WWOX: variants seen among roughly 807,000 people sequenced by gnomAD.
WWOX encodes WW domain containing oxidoreductase, also known as WW domain-containing oxidoreductase.
WWOX carries 69 observed loss-of-function variants against 46.2 expected under a neutral mutation model. The ratio of observed to expected loss-of-function variants is 1.49; its 90% CI spans 1.23 to 1.82. The LOEUF (loss-of-function observed/expected upper bound fraction) is 1.82, where lower values mean the gene tolerates loss of function less well. WWOX is among the 40% of genes most tolerant of loss of function. WWOX has a pLI of 0.00. For synonymous variants in WWOX, 359 were observed against 202.6 expected (o/e 1.77, Z -6.56); for missense variants, 919 against 542.6 (o/e 1.69, Z -6.89).
chr16:78,372,266 C>A (rs1031461698), intron 5 of WWOX, among the ~76,000 whole-genome samples: 4 of 152,120 alleles, frequency 2.6e-5, no homozygotes, highest in Non-Finnish European at 5.9e-5. Context: ...CCATTTAATT[C>A]TTTGATTCTG....
intron 8 of WWOX, among the ~76,000 whole-genome samples, chr16:78,949,453 C>T (rs982165497): frequency 6.6e-6 from 1 of 152,170 alleles, no homozygotes; most frequent in African/African-American, 2.4e-5. Flanking sequence ...TTCCTGTTGT[C>T]CCCTCCCGTG....
At chr16:78,426,921 C>G (rs2083093005) in intron 7 of WWOX, among the ~76,000 whole-genome samples, 1 of 152,214 alleles carries the variant, frequency 6.6e-6, no homozygotes. Flanking sequence ...CTTGGCTTCT[C>G]ACAGTGCTGT....
chr16:78,164,152 T>G (rs1419150864), intron 4 of WWOX, 31 bp from the exon 5 acceptor site: 1 of 1,598,108 alleles, frequency 6.3e-7, no homozygotes, highest in Non-Finnish European at 8.6e-7. Context: ...GATGTTATGT[T>G]TTCTAACATT....
chr16:78,178,018 A>T (rs1205745020), intron 5 of WWOX, among the ~76,000 whole-genome samples: 1 of 152,232 alleles, frequency 6.6e-6, no homozygotes, highest in East Asian at 1.9e-4. Context: ...CACTTGTAGA[A>T]ACTCCATGAA....
At chr16:78,986,627 A>G (rs1457853371) in intron 8 of WWOX, among the ~76,000 whole-genome samples, 1 of 152,218 alleles carries the variant, frequency 6.6e-6, no homozygotes, top group Non-Finnish European at 1.5e-5. Flanking sequence ...TCACTCATTC[A>G]TCAGTACTCT....
intron 5 of WWOX, among the ~76,000 whole-genome samples, chr16:78,255,385 A>T (rs1466714257): frequency 6.6e-6 from 1 of 152,260 alleles, no homozygotes; most frequent in Non-Finnish European, 1.5e-5. Context: ...CTAAGAAACT[A>T]TATTGCCGAG....
intron 8 of WWOX, among the ~76,000 whole-genome samples, chr16:78,723,131 C>T (rs1026399739): frequency 6.6e-6 from 1 of 152,152 alleles, no homozygotes; most frequent in South Asian, 2.1e-4. Flanking sequence ...AAAGATCATC[C>T]CGTCAACTGC....
intron 8 of WWOX, among the ~76,000 whole-genome samples, chr16:78,966,621 A>G (rs1271339749): frequency 1.3e-5 from 2 of 152,162 alleles, no homozygotes; most frequent in South Asian, 2.1e-4. Context: ...ATCAATAAAT[A>G]TAGTATGTAT....
rs561465614 is a variant in WWOX, at chr16:78,704,169, C to T, written c.1056+271417C>T. On this transcript the variant is annotated intron_variant, in intron 8 of 8. Coordinates refer to ENST00000566780, the MANE Select transcript of WWOX (RefSeq NM_016373.4). ...TTTTTAACCTCCAGCAGCTGTGTTC[C>T]CTGTGGCAACTATGTAACCTCTCTG... Among the ~76,000 whole-genome samples the T allele has an allele frequency of 5.9e-5, 9 of 151,878 alleles. No individual in the cohort carries two copies. In the South Asian group the frequency reaches 1.5e-3, roughly 25 times the overall value.
Position 78,373,062 on chromosome 16 carries a change from A to G in WWOX, c.517-13798A>G, listed in dbSNP as rs569967975. Among the ~76,000 whole-genome samples, 18 of 152,278 alleles carry G rather than the reference A, an allele frequency of 1.2e-4. No individual in the cohort carries two copies. In the South Asian group the frequency reaches 3.7e-3, roughly 32 times the overall value. ...GACTTTTTCAACTCTGTAATGTCCT[A>G]ACTTTCATTTCTGCTTGCACACTGG... is the stretch of plus-strand genomic sequence containing the variant. On this transcript the variant is annotated intron_variant, in intron 5 of 8. Coordinates refer to ENST00000566780, the MANE Select transcript of WWOX (RefSeq NM_016373.4).
chr16:78,909,447 A>G (rs969867306), intron 8 of WWOX, among the ~76,000 whole-genome samples: 1 of 152,184 alleles, frequency 6.6e-6, no homozygotes, highest in Non-Finnish European at 1.5e-5. Context: ...CAACCATGCT[A>G]TTACACAAGT....
chr16:78,750,927 C>T (rs2142449277), intron 8 of WWOX, among the ~76,000 whole-genome samples: 1 of 152,206 alleles, frequency 6.6e-6, no homozygotes, highest in Non-Finnish European at 1.5e-5. Flanking sequence ...CATGTCTTTG[C>T]TGTTGTGGGT....
intron 8 of WWOX, chr16:79,077,980 C>G (rs867313177): frequency 6.6e-6 from 1 of 152,122 alleles, no homozygotes; most frequent in African/African-American, 2.4e-5. Context: ...CTACCTGCTC[C>G]TCTTGTGGCT....
chr16:78,122,545 G>A (rs751479612), intron 4 of WWOX, among the ~76,000 whole-genome samples: 89 of 151,862 alleles, frequency 5.9e-4, no homozygotes, highest in Non-Finnish European at 1.0e-3. Flanking sequence ...TTGATCTTTT[G>A]CTTTTACATC....
intron 8 of WWOX, among the ~76,000 whole-genome samples, chr16:78,655,460 C>T (rs1011622215): frequency 2.0e-5 from 3 of 152,182 alleles, no homozygotes; most frequent in Admixed American, 6.5e-5. Flanking sequence ...ATATGAATCT[C>T]ATCTGAGTGT....
intron 8 of WWOX, among the ~76,000 whole-genome samples, chr16:79,201,756 T>C (rs2051357023): frequency 6.6e-6 from 1 of 151,542 alleles, no homozygotes; most frequent in Admixed American, 6.6e-5. Context: ...TCTTCCTGAC[T>C]TTTTTCTTCC....
chr16:78,674,547 A>G (rs933408681), intron 8 of WWOX, among the ~76,000 whole-genome samples: 3 of 152,118 alleles, frequency 2.0e-5, no homozygotes, highest in African/African-American at 7.2e-5. Flanking sequence ...AGCCTCCCAA[A>G]GTGCTGAGAT....
At chr16:78,534,164 G>T (rs1011439898) in intron 8 of WWOX, among the ~76,000 whole-genome samples, 2 of 152,228 alleles carry the variant, frequency 1.3e-5, no homozygotes, top group East Asian at 1.9e-4. Flanking sequence ...GGACATCCTC[G>T]ATGTATTAGC....
intron 8 of WWOX, among the ~76,000 whole-genome samples, chr16:78,535,938 C>A (rs554178417): frequency 3.9e-5 from 6 of 152,074 alleles, no homozygotes; most frequent in Admixed American, 3.3e-4. Context: ...TGAGGTTCTG[C>A]GCACAAAATT....
Sources: allele counts gnomAD v4.1 joint callset (sites outside exome capture counted in the v4.1 genomes callset), GRCh38; gene constraint gnomAD v4.1.1; transcripts MANE v1.5; gene names NCBI Gene and HGNC (gene_info 2026-07-23, HGNC 2026-07-21).